The following ERMARD variants were observed in gnomAD, a reference collection of about 807,000 sequenced individuals.
ERMARD encodes ER membrane associated RNA degradation.
Under a neutral mutation model 83.9 loss-of-function variants are expected in ERMARD, and 71 were observed. That is an observed-to-expected ratio of 0.85 (90% CI 0.70 to 1.03). ERMARD has a LOEUF of 1.03. ERMARD is among the 50% of genes least tolerant of loss of function. The pLI, the probability that ERMARD is intolerant of heterozygous loss-of-function variation, is 0.00. For missense variants in ERMARD, 838 were observed against 810.9 expected (o/e 1.03, Z -0.41); for synonymous variants, 284 against 298.6 (o/e 0.95, Z 0.50).
chr6:169,765,500 C>G (rs1487414110), intron 9 of ERMARD, among the ~76,000 whole-genome samples: 1 of 152,154 alleles, frequency 6.6e-6, no homozygotes, highest in Non-Finnish European at 1.5e-5. Flanking sequence ...TATACTAACT[C>G]TGTAAAACAA....
intron 13 of ERMARD, among the ~76,000 whole-genome samples, chr6:169,773,888 G>C (rs865841368): frequency 2.4e-4 from 36 of 152,308 alleles, no homozygotes; most frequent in African/African-American, 8.7e-4. Context: ...AGGATACAAG[G>C]GTAGTGCAAG....
Position 169,760,183 on chromosome 6 carries a change from T to A in ERMARD, c.742+209T>A, listed in dbSNP as rs187808130. Reference sequence around the variant, plus strand: ...CCATGCCCTGGGGTTGTTGTGGGGGTCACAGGAGTTGCAGCTGTGTGAGCT... The same window carrying A: ...CCATGCCCTGGGGTTGTTGTGGGGGACACAGGAGTTGCAGCTGTGTGAGCT... On this transcript the variant is annotated intron_variant, in intron 7 of 17. Coordinates refer to ENST00000366773, the MANE Select transcript of ERMARD (RefSeq NM_018341.3). 4.2e-3 allele frequency among the ~76,000 whole-genome samples: 636 copies of A among 152,108 alleles called. 1 individual carries two copies. Among genetic ancestry groups the A allele is most frequent in the Non-Finnish European group, 6.7e-3 (457 of 67,994 alleles).
intron 9 of ERMARD, among the ~76,000 whole-genome samples, chr6:169,764,164 G>T (rs145132208): frequency 6.6e-6 from 1 of 151,838 alleles, no homozygotes; most frequent in South Asian, 2.1e-4. Flanking sequence ...GAAGCCCCCC[G>T]CCTGGCTCCT....
At chr6:169,759,097 T>C (rs1293540498) in intron 6 of ERMARD, 32 bp downstream of exon 6, 1 of 1,558,736 alleles carries the variant, frequency 6.4e-7, no homozygotes, top group South Asian at 1.1e-5. Context: ...TTTCTTCCTT[T>C]TTTGGATCTA....
At position 169,762,440 on chromosome 6, in the gene ERMARD, G is replaced by A; in HGVS notation, c.869G>A (p.Cys290Tyr). The stretch of plus-strand genomic sequence containing the variant: ...CTTCAATTTCATAGGTTTGCTGACT[G>A]CGCCATATTGTTGCTGACACAACTG... ...VKFKSHRFAD[C>Y]AILLLTQLET... Residue 290 changes from cysteine to tyrosine, a missense_variant, in exon 9 of 18, where the codon TGC becomes TAC. Cys to Tyr is a radical substitution (Grantham distance 194). Transcript: ENST00000366773. The A allele has an allele frequency of 6.2e-7, 1 of 1,613,916 alleles. No homozygotes were observed. Among genetic ancestry groups the A allele is most frequent in the Non-Finnish European group, 8.5e-7 (1 of 1,179,950 alleles).
chr6:169,781,315 A>AT lies in ERMARD; in HGVS notation c.1854-5dup, dbSNP rs200013618. 1.6e-3 allele frequency: 2,309 copies of AT among 1,455,712 alleles called. No individual in the cohort carries two copies. Among genetic ancestry groups the AT allele is most frequent in the Admixed American group, 2.9e-3 (135 of 47,280 alleles). 90.2% of individuals were successfully genotyped at this position (1,455,712 alleles called of 1,614,324 possible). A position where few individuals can be genotyped will look rare whatever the true frequency, so the allele number is the denominator to read the frequency against. The stretch of plus-strand genomic sequence containing the variant: ...TATAATGGAATGGATAAAGAAATTA[A>AT]TTTTTTTTTTACAGGTTTGTAAAGT... On this transcript the variant is annotated splice_polypyrimidine_tract_variant and intron_variant, in intron 17 of 17. Transcript: ENST00000366773.
intron 5 of ERMARD, among the ~76,000 whole-genome samples, chr6:169,758,422 G>A (rs1247787315): frequency 1.3e-5 from 2 of 152,220 alleles, no homozygotes; most frequent in African/African-American, 4.8e-5. Context: ...AGATGGTGGG[G>A]TGGATAAGTG....
intron 1 of ERMARD, chr6:169,752,048 T>G (rs575281779): frequency 3.8e-6 from 1 of 266,220 alleles, no homozygotes; most frequent in African/African-American, 2.2e-5. Context: ...GCCTGTAGGG[T>G]CCACACTCGG....
intron 15 of ERMARD, 165 bp from the exon 16 acceptor site, chr6:169,776,290 T>A: frequency 6.4e-7 from 1 of 1,551,442 alleles, no homozygotes. Flanking sequence ...CACAATTCAG[T>A]GTGTTTAGTT....
chr6:169,751,562 C>G (rs541336932), upstream of ERMARD: 19 of 1,609,492 alleles, frequency 1.2e-5, no homozygotes, highest in Admixed American at 1.4e-4. Context: ...GCGCCTCGTA[C>G]GGTAGGAAGT....
intron 12 of ERMARD, among the ~76,000 whole-genome samples, chr6:169,770,153 ATG>A (rs1792725506): frequency 6.6e-6 from 1 of 152,228 alleles, no homozygotes; most frequent in African/African-American, 2.4e-5. Context: ...CAGATTATAC[ATG>A]TGACAGTTAT....
intron 9 of ERMARD, among the ~76,000 whole-genome samples, chr6:169,762,964 G>A (rs917007902): frequency 6.6e-6 from 1 of 152,160 alleles, no homozygotes; most frequent in South Asian, 2.1e-4. Context: ...TTGGTGTGGT[G>A]CCAGCCCTGC....
At position 169,756,700 on chromosome 6, in the gene ERMARD, A is replaced by G; in HGVS notation, c.418-19A>G. On this transcript the variant is annotated intron_variant, in intron 4 of 17. Transcript: ENST00000366773. ...TGGCTCATAATACAACTGTTACACAATTTTTGTTTGAATTTTAGGTATTTT... is the reference window on the plus strand; with the variant it reads ...TGGCTCATAATACAACTGTTACACAGTTTTTGTTTGAATTTTAGGTATTTT... The G allele has an allele frequency of 1.2e-6, 2 of 1,604,310 alleles. No individual in the cohort carries two copies. The highest frequency in any genetic ancestry group is 8.5e-7 in the Non-Finnish European group (1 of 1,171,594).
intron 9 of ERMARD, among the ~76,000 whole-genome samples, chr6:169,765,240 A>T (rs1792056762): frequency 6.6e-6 from 1 of 152,282 alleles, no homozygotes; most frequent in Non-Finnish European, 1.5e-5. Context: ...GGCTGTTTCC[A>T]CAGAGGATAT....
At chr6:169,751,442 C>A (rs756946789), upstream of ERMARD, 1 of 1,614,064 alleles carries the variant, frequency 6.2e-7, no homozygotes, top group South Asian at 1.1e-5. Context: ...CTTCACGCCT[C>A]GGCCTCGCTT....
At position 169,762,902 on chromosome 6, in the gene ERMARD, G is replaced by A. The variant is rs549907584; in HGVS notation, c.960+371G>A. Reference sequence around the variant, plus strand: ...CTTGGGAAACTAATCAAAACCTTCTGAACTTGAGTTTCTCCATCTTACAAA... The same window carrying A: ...CTTGGGAAACTAATCAAAACCTTCTAAACTTGAGTTTCTCCATCTTACAAA... On this transcript the variant is annotated intron_variant, in intron 9 of 17. Transcript: ENST00000366773. Among the ~76,000 whole-genome samples, 7 of 152,304 alleles carry A rather than the reference G, an allele frequency of 4.6e-5. 1 individual carries two copies. In the South Asian group the frequency reaches 1.4e-3, roughly 32 times the overall value.
chr6:169,762,461 A>T lies in ERMARD; in HGVS notation c.890A>T (p.Gln297Leu). 6.2e-7 allele frequency: 1 copy of T among 1,614,178 alleles called. No individual in the cohort carries two copies. Among genetic ancestry groups the T allele is most frequent in the Non-Finnish European group, 8.5e-7 (1 of 1,180,030 alleles). Residue 297 changes from glutamine (Q) to leucine (L), a missense_variant, in exon 9 of 18, where the codon CAA (glutamine) becomes CTA (leucine). Coordinates refer to ENST00000366773, the MANE Select transcript of ERMARD (RefSeq NM_018341.3). Reference protein sequence around the residue: ...FADCAILLLTQLETGLRNVFA... With the variant: ...FADCAILLLTLLETGLRNVFA... ...GACTGCGCCATATTGTTGCTGACAC[A>T]ACTGGAGACTGGACTTAGGAATGTT...
chr6:169,776,074 C>T lies in ERMARD; in HGVS notation c.1520+9C>T. ...CGTCTTCCTACTGAGACGTAAGTTC[C>T]AGGACATCCTGACAACTGTTGAAAC... On this transcript the variant is annotated intron_variant, in intron 15 of 17. Transcript: ENST00000366773. The T allele has an allele frequency of 6.2e-7, 1 of 1,611,492 alleles. No individual in the cohort carries two copies. The highest frequency in any genetic ancestry group is 8.5e-7 in the Non-Finnish European group (1 of 1,179,178).
chr6:169,780,170 C>A (rs1357103109), intron 17 of ERMARD, among the ~76,000 whole-genome samples: 4 of 152,218 alleles, frequency 2.6e-5, no homozygotes, highest in Non-Finnish European at 5.9e-5. Context: ...CAGTGTGCCC[C>A]ATGCTTGGCA....
Sources: allele counts gnomAD v4.1 joint callset (sites outside exome capture counted in the v4.1 genomes callset), GRCh38; gene constraint gnomAD v4.1.1; transcripts MANE v1.5; gene names NCBI Gene and HGNC (gene_info 2026-07-23, HGNC 2026-07-21).